PCDH9: variants seen among roughly 807,000 people sequenced by gnomAD.
The protein encoded by PCDH9 is protocadherin-9.
Under a neutral mutation model 70.6 loss-of-function variants are expected in PCDH9, and 24 were observed. The ratio of observed to expected loss-of-function variants is 0.34; its 90% CI spans 0.25 to 0.48. The LOEUF (loss-of-function observed/expected upper bound fraction) is 0.48. PCDH9 is among the 20% of genes least tolerant of loss of function. The pLI is 0.99. For synonymous variants in PCDH9, 562 were observed against 558.5 expected (o/e 1.01, Z -0.09); for missense variants, 1,281 against 1,503.6 (o/e 0.85, Z 2.45).
chr13:66,418,277 T>G (rs769475908), intron 4 of PCDH9, among the ~76,000 whole-genome samples: 1 of 152,198 alleles, frequency 6.6e-6, no homozygotes, highest in African/African-American at 2.4e-5. Context: ...CTTTCCCCAT[T>G]GCTTGTTTTG....
intron 3 of PCDH9, among the ~76,000 whole-genome samples, chr13:66,659,379 C>T (rs2077975103): frequency 6.6e-6 from 1 of 152,176 alleles, no homozygotes; most frequent in South Asian, 2.1e-4. Flanking sequence ...CATTAGGTTT[C>T]ATCAGACTTG....
intron 4 of PCDH9, among the ~76,000 whole-genome samples, chr13:66,547,687 A>G (rs1027451694): frequency 5.3e-5 from 8 of 151,918 alleles, no homozygotes; most frequent in Non-Finnish European, 1.2e-4. Context: ...ATAATTTGTG[A>G]AAGGAAATTT....
At chr13:66,388,388 T>C (rs1253391970) in intron 4 of PCDH9, among the ~76,000 whole-genome samples, 3 of 152,178 alleles carry the variant, frequency 2.0e-5, no homozygotes, top group East Asian at 1.9e-4. Flanking sequence ...ACAGTGACTT[T>C]TTCCAAAGTT....
At chr13:66,419,372 G>A (rs142630841) in intron 4 of PCDH9, among the ~76,000 whole-genome samples, 150 of 151,998 alleles carry the variant, frequency 9.9e-4, no homozygotes, top group African/African-American at 3.1e-3. Context: ...GCAAGATGGC[G>A]GAATAGGAAC....
intron 4 of PCDH9, among the ~76,000 whole-genome samples, chr13:66,376,147 G>A (rs1956742881): frequency 6.6e-6 from 1 of 152,098 alleles, no homozygotes; most frequent in Non-Finnish European, 1.5e-5. Flanking sequence ...AAACAGAGTT[G>A]AGTGAGAGAA....
At chr13:66,618,893 T>C (rs1304627851) in intron 4 of PCDH9, among the ~76,000 whole-genome samples, 2 of 152,194 alleles carry the variant, frequency 1.3e-5, no homozygotes, top group Non-Finnish European at 2.9e-5. Context: ...AAAGTTGACA[T>C]TACCCTTACT....
intron 2 of PCDH9, among the ~76,000 whole-genome samples, chr13:67,014,798 G>C (rs975326544): frequency 6.6e-6 from 1 of 151,870 alleles, no homozygotes; most frequent in African/African-American, 2.4e-5. Context: ...CACCATTTCT[G>C]TGCTTGTAAA....
intron 2 of PCDH9, among the ~76,000 whole-genome samples, chr13:66,962,806 G>C (rs1008506970): frequency 2.6e-5 from 4 of 152,102 alleles, no homozygotes; most frequent in Admixed American, 2.6e-4. Context: ...TTTTCGTAGA[G>C]AATTTCCCAT....
At chr13:66,746,962 T>C (rs2079375793) in intron 3 of PCDH9, among the ~76,000 whole-genome samples, 1 of 151,946 alleles carries the variant, frequency 6.6e-6, no homozygotes. Flanking sequence ...CTTGCTATTT[T>C]TTCCTAAATA....
chr13:66,696,031 G>T (rs2078558286), intron 3 of PCDH9, among the ~76,000 whole-genome samples: 1 of 152,008 alleles, frequency 6.6e-6, no homozygotes, highest in Non-Finnish European at 1.5e-5. Context: ...AATTTAGTTA[G>T]TTATGTATTT....
At chr13:66,736,596 C>T (rs1354932548) in intron 3 of PCDH9, among the ~76,000 whole-genome samples, 1 of 150,580 alleles carries the variant, frequency 6.6e-6, no homozygotes, top group Non-Finnish European at 1.5e-5. Flanking sequence ...CGAATATAGC[C>T]TTCTAATAAA....
intron 2 of PCDH9, among the ~76,000 whole-genome samples, chr13:67,177,690 C>A (rs1239922404): frequency 2.6e-5 from 4 of 152,068 alleles, no homozygotes; most frequent in Admixed American, 2.6e-4. Flanking sequence ...CTCTTGCAGG[C>A]AAGCGTTCAA....
At chr13:66,512,282 T>TTTTATATATATATATATATATATA (rs1959513325) in intron 4 of PCDH9, among the ~76,000 whole-genome samples, 1 of 144,426 alleles carries the variant, frequency 6.9e-6, no homozygotes, top group African/African-American at 2.5e-5. Flanking sequence ...ACCTTAGGAA[T>TTTTATATATATATATATATATATA]TATATATATA....
At chr13:66,423,547 C>T (rs1483053776) in intron 4 of PCDH9, among the ~76,000 whole-genome samples, 1 of 152,048 alleles carries the variant, frequency 6.6e-6, no homozygotes, top group African/African-American at 2.4e-5. Context: ...AAACATAATC[C>T]ATCACATAAA....
At chr13:66,430,790 C>T (rs1566319551) in intron 4 of PCDH9, among the ~76,000 whole-genome samples, 1 of 152,000 alleles carries the variant, frequency 6.6e-6, no homozygotes, top group Non-Finnish European at 1.5e-5. Context: ...GTGATAAGAA[C>T]TGCAATGGGG....
intron 4 of PCDH9, among the ~76,000 whole-genome samples, chr13:66,505,723 C>T (rs189210505): frequency 6.6e-6 from 1 of 152,300 alleles, no homozygotes; most frequent in African/African-American, 2.4e-5. Context: ...ACAGGAAAGA[C>T]CCACCACTAT....
At chr13:66,467,884 C>T (rs998256991) in intron 4 of PCDH9, among the ~76,000 whole-genome samples, 2 of 151,908 alleles carry the variant, frequency 1.3e-5, no homozygotes, top group Admixed American at 1.3e-4. Context: ...AGTGAGGTTC[C>T]TTGCTCATTT....
At chr13:67,133,520 T>C (rs1380330956) in intron 2 of PCDH9, among the ~76,000 whole-genome samples, 1 of 152,138 alleles carries the variant, frequency 6.6e-6, no homozygotes, top group African/African-American at 2.4e-5. Context: ...TCTGTAATTC[T>C]ATAATTTCAA....
chr13:66,522,595 A>G (rs1960045557), intron 4 of PCDH9, among the ~76,000 whole-genome samples: 1 of 152,054 alleles, frequency 6.6e-6, no homozygotes, highest in Non-Finnish European at 1.5e-5. Context: ...AAATATAGTT[A>G]AAGAGATGAG....
Sources: gnomAD v4.1 joint callset for allele counts (sites outside exome capture counted in the v4.1 genomes callset) on GRCh38, gnomAD v4.1.1 for gene constraint, MANE v1.5 for transcripts, NCBI Gene and HGNC (gene_info 2026-07-23, HGNC 2026-07-21) for gene names.